TC2N: variants seen among roughly 807,000 people sequenced by gnomAD.
TC2N encodes the protein tandem C2 domains nuclear protein.
In TC2N, 51 loss-of-function variants were observed where a neutral mutation model predicts 61.9. That is an observed-to-expected ratio of 0.82 (90% confidence interval 0.66 to 1.04). The LOEUF (loss-of-function observed/expected upper bound fraction) is 1.04. Ranked by LOEUF, TC2N falls within the 50% of genes least tolerant of loss-of-function variation. The pLI is 0.00. For missense variants in TC2N, 556 were observed against 566.7 expected (o/e 0.98, Z 0.19); for synonymous variants, 204 against 192.6 (o/e 1.06, Z -0.49).
chr14:91,807,924 T>C (rs1354937868), intron 3 of TC2N, among the ~76,000 whole-genome samples: 2 of 152,176 alleles, frequency 1.3e-5, no homozygotes, highest in South Asian at 2.1e-4. Flanking sequence ...TAGGAGATAA[T>C]TGAATCATAG....
chr14:91,842,736 G>A (rs1324265159), intron 1 of TC2N, among the ~76,000 whole-genome samples: 4 of 152,264 alleles, frequency 2.6e-5, no homozygotes, highest in East Asian at 1.9e-4. Flanking sequence ...GAGCGTTAGC[G>A]TTGAGATATG....
At chr14:91,808,807 AC>A (rs756761641) in intron 3 of TC2N, among the ~76,000 whole-genome samples, 1 of 152,190 alleles carries the variant, frequency 6.6e-6, no homozygotes, top group Admixed American at 6.5e-5. Flanking sequence ...TAGAGTAAAA[AC>A]TCAAAATTAT....
intron 1 of TC2N, among the ~76,000 whole-genome samples, chr14:91,825,026 C>CTTTTTTTTTTTT (rs5810554): frequency 1.3e-4 from 9 of 66,866 alleles, no homozygotes; most frequent in East Asian, 5.7e-4. Flanking sequence ...TTTTTCTTTT[C>CTTTTTTTTTTTT]TTTTTTTTTT....
intron 1 of TC2N, among the ~76,000 whole-genome samples, chr14:91,828,648 G>GA (rs1431259802): frequency 6.6e-6 from 1 of 151,866 alleles, no homozygotes. Context: ...AAGTTTCCTT[G>GA]AAAGTATTCT....
At chr14:91,856,263 C>G (rs961355250) in intron 1 of TC2N, among the ~76,000 whole-genome samples, 1 of 151,950 alleles carries the variant, frequency 6.6e-6, no homozygotes, top group African/African-American at 2.4e-5. Context: ...CAGAGGTGGG[C>G]GAATCACTTG....
intron 1 of TC2N, among the ~76,000 whole-genome samples, chr14:91,854,212 G>T (rs1314597660): frequency 6.6e-6 from 1 of 151,988 alleles, no homozygotes; most frequent in Admixed American, 6.6e-5. Context: ...TAGAGTTTAG[G>T]GCAAGTTCTG....
At chr14:91,858,240 C>T (rs1189379992) in intron 1 of TC2N, among the ~76,000 whole-genome samples, 2 of 149,102 alleles carry the variant, frequency 1.3e-5, no homozygotes, top group African/African-American at 2.5e-5. Flanking sequence ...CAATTACCTG[C>T]CTCAGCCTCC....
At chr14:91,793,080 C>A (rs749290944) in intron 8 of TC2N, among the ~76,000 whole-genome samples, 30 of 152,206 alleles carry the variant, frequency 2.0e-4, no homozygotes, top group Admixed American at 9.8e-4. Flanking sequence ...CCACCCTTTC[C>A]GATCTGAAAA....
chr14:91,799,142 T>C, intron 5 of TC2N, 78 bp from the exon 6 acceptor site: 1 of 872,194 alleles, frequency 1.1e-6, no homozygotes, highest in Non-Finnish European at 1.8e-6. Context: ...TCAATATCCA[T>C]CCTAGTAACA....
rs553660794 is a variant in TC2N at position 91,866,176 on chromosome 14, A to G, written c.-57+1086T>C. 2.6e-5 allele frequency: 4 copies of G among 152,336 alleles called. No individual in the cohort carries two copies. The South Asian group carries it at 8.3e-4, about 32-fold the overall frequency. 9.4% of individuals were successfully genotyped at this position (152,336 alleles called of 1,614,324 possible). Reference sequence around the variant, plus strand: ...TCTGTGGGTGACCCCGTTGGCTCAGAATGAACAACTTGGGCACATTACAGT... The same window carrying G: ...TCTGTGGGTGACCCCGTTGGCTCAGGATGAACAACTTGGGCACATTACAGT... On this transcript the variant is annotated intron_variant, in intron 1 of 11. Coordinates refer to ENST00000435962, the MANE Select transcript of TC2N (RefSeq NM_001128596.3).
At chr14:91,851,429 C>T (rs1487580296) in intron 1 of TC2N, among the ~76,000 whole-genome samples, 1 of 152,160 alleles carries the variant, frequency 6.6e-6, no homozygotes, top group Non-Finnish European at 1.5e-5. Context: ...GTTGTTCTCC[C>T]TCTGTGTGGT....
At chr14:91,784,217 C>A (rs1166905585) in intron 11 of TC2N, among the ~76,000 whole-genome samples, 2 of 152,056 alleles carry the variant, frequency 1.3e-5, no homozygotes, top group Non-Finnish European at 2.9e-5. Context: ...ATTTCCTATT[C>A]CATTCATACC....
chr14:91,832,298 G>A (rs969842862), intron 1 of TC2N, among the ~76,000 whole-genome samples: 1 of 151,434 alleles, frequency 6.6e-6, no homozygotes, highest in African/African-American at 2.4e-5. Context: ...GCTGAGACAG[G>A]AGAATCGCTT....
At chr14:91,822,917 G>A (rs1403364604) in intron 1 of TC2N, among the ~76,000 whole-genome samples, 2 of 151,352 alleles carry the variant, frequency 1.3e-5, no homozygotes, top group Admixed American at 6.6e-5. Context: ...GGGTTTCACC[G>A]TGTTAGCCAG....
chr14:91,822,722 T>TTC (rs1415301224), intron 1 of TC2N, among the ~76,000 whole-genome samples: 2 of 149,022 alleles, frequency 1.3e-5, no homozygotes, highest in East Asian at 3.9e-4. Context: ...ATCTTTTTTT[T>TTC]TTTTTTTTTT....
At chr14:91,820,459 C>T (rs1310371284) in intron 1 of TC2N, among the ~76,000 whole-genome samples, 2 of 151,110 alleles carry the variant, frequency 1.3e-5, no homozygotes, top group Non-Finnish European at 3.0e-5. Flanking sequence ...AATCTTTCAA[C>T]ATAATAATAA....
At chr14:91,851,722 A>G (rs1356382109) in intron 1 of TC2N, among the ~76,000 whole-genome samples, 1 of 152,198 alleles carries the variant, frequency 6.6e-6, no homozygotes, top group African/African-American at 2.4e-5. Flanking sequence ...ATGCAGATCC[A>G]AGAAGCACAC....
At position 91,840,719 on chromosome 14, in the gene TC2N, G is replaced by A. The variant is rs1433833251; in HGVS notation, c.-57+26543C>T. On this transcript the variant is annotated intron_variant, in intron 1 of 11. Transcript: ENST00000435962. Reference sequence around the variant, plus strand: ...TCTTGAATAGCTTACTAAGGAATTTGTCCATTAATCCACAGGATACATAGT... The same window carrying A: ...TCTTGAATAGCTTACTAAGGAATTTATCCATTAATCCACAGGATACATAGT... 2.6e-5 allele frequency among the ~76,000 whole-genome samples: 4 copies of A among 152,186 alleles called. No individual in the cohort carries two copies. The East Asian group carries it at 7.7e-4, about 29-fold the overall frequency.
intron 1 of TC2N, among the ~76,000 whole-genome samples, chr14:91,864,747 G>GTAT (rs947140958): frequency 7.0e-6 from 1 of 143,446 alleles, no homozygotes; most frequent in Non-Finnish European, 1.5e-5. Flanking sequence ...CACTGTATTT[G>GTAT]TATGTGTGTA....
Sources: allele counts gnomAD v4.1 joint callset (sites outside exome capture counted in the v4.1 genomes callset), GRCh38; gene constraint gnomAD v4.1.1; transcripts MANE v1.5; gene names NCBI Gene and HGNC (gene_info 2026-07-23, HGNC 2026-07-21).